Variants in DAB1 observed in about 807,000 individuals in gnomAD.
DAB1 encodes disabled homolog 1.
A neutral mutation model predicts 64.6 loss-of-function variants in DAB1; 15 were observed. The ratio of observed to expected loss-of-function variants is 0.23; its 90% confidence interval spans 0.16 to 0.36. The LOEUF is 0.36. Ranked by LOEUF, DAB1 falls within the 10% of genes least tolerant of loss-of-function variation. The probability of loss-of-function intolerance (pLI) is 1.00; values close to 1 mark genes in which losing one functional copy is unlikely to be tolerated. For missense variants in DAB1, 596 were observed against 706.7 expected (o/e 0.84, Z 1.78); for synonymous variants, 235 against 251.9 (o/e 0.93, Z 0.64).
chr1:57,796,400 G>A lies in DAB1; in HGVS notation n.551+87599C>T, dbSNP rs546289636. Among the ~76,000 whole-genome samples the A allele has an allele frequency of 2.2e-3, 329 of 152,072 alleles. 2 individuals carry two copies. Among genetic ancestry groups the A allele is most frequent in the African/African-American group, 7.7e-3 (318 of 41,472 alleles). Reference sequence around the variant, plus strand: ...AAATTAGCCAGGCATGGTGGCAGGCGCCTGTAGTCCCAACTACTCGGGAGG... The same window carrying A: ...AAATTAGCCAGGCATGGTGGCAGGCACCTGTAGTCCCAACTACTCGGGAGG... On this transcript the variant is annotated intron_variant and non_coding_transcript_variant, in intron 6 of 20. Transcript: ENST00000485760.
intron 1 of DAB1, chr1:58,527,474 C>T: frequency 5.2e-6 from 3 of 581,352 alleles, no homozygotes; most frequent in Non-Finnish European, 9.2e-6. Context: ...ATTAAAATAA[C>T]TCCATGATAT....
chr1:58,513,010 A>C (rs1380485937), intron 2 of DAB1, among the ~76,000 whole-genome samples: 1 of 152,212 alleles, frequency 6.6e-6, no homozygotes, highest in East Asian at 1.9e-4. Flanking sequence ...AAAGTATTAT[A>C]GAAAACTAAG....
chr1:57,175,825 T>C (rs1053322419), intron 2 of DAB1, among the ~76,000 whole-genome samples: 2 of 152,134 alleles, frequency 1.3e-5, no homozygotes, highest in Non-Finnish European at 2.9e-5. Flanking sequence ...CCCATCAAAA[T>C]GGCAGCCCCA....
At chr1:57,246,497 T>TAGAA (rs542873638) in intron 2 of DAB1, among the ~76,000 whole-genome samples, 45 of 152,284 alleles carry the variant, frequency 3.0e-4, no homozygotes, top group African/African-American at 1.1e-3. Context: ...GATGTCCAGG[T>TAGAA]AGAAGTCTGC....
intron 4 of DAB1, among the ~76,000 whole-genome samples, chr1:58,233,733 G>T (rs958002102): frequency 2.0e-5 from 3 of 152,100 alleles, no homozygotes; most frequent in African/African-American, 7.2e-5. Context: ...TCCAAAATCT[G>T]ATCTTCCCTT....
chr1:57,839,422 T>C (rs1557509909), intron 1 of DAB1, among the ~76,000 whole-genome samples: 2 of 152,246 alleles, frequency 1.3e-5, no homozygotes, highest in African/African-American at 2.4e-5. Flanking sequence ...CCTCCATTGA[T>C]GGATACTTGG....
At chr1:57,913,050 A>G (rs577936723) in intron 5 of DAB1, among the ~76,000 whole-genome samples, 1 of 152,360 alleles carries the variant, frequency 6.6e-6, no homozygotes, top group African/African-American at 2.4e-5. Flanking sequence ...TGCCATTCCC[A>G]TCAAGCTACC....
At chr1:57,066,188 C>A (rs1162063811) in intron 8 of DAB1, among the ~76,000 whole-genome samples, 1 of 152,086 alleles carries the variant, frequency 6.6e-6, no homozygotes, top group Non-Finnish European at 1.5e-5. Flanking sequence ...TGGAAAATGA[C>A]CATGTGGAAA....
chr1:57,189,225 A>G (rs197108), intron 2 of DAB1, among the ~76,000 whole-genome samples: 150,312 of 152,304 alleles, frequency 0.99, 74,181 homozygotes, highest in East Asian at 1. Flanking sequence ...TGGTTTCACC[A>G]CAAGATATAA....
intron 7 of DAB1, among the ~76,000 whole-genome samples, chr1:57,600,096 TC>T (rs1390106457): frequency 6.6e-6 from 1 of 152,124 alleles, no homozygotes; most frequent in African/African-American, 2.4e-5. Context: ...AGGCCATGTC[TC>T]TGTGCCCCCT....
intron 5 of DAB1, among the ~76,000 whole-genome samples, chr1:58,083,427 T>G (rs1650118340): frequency 6.6e-6 from 1 of 152,214 alleles, no homozygotes; most frequent in Non-Finnish European, 1.5e-5. Context: ...TCATCATCTA[T>G]GCCGCACAAT....
At chr1:57,923,254 T>A (rs915613296) in intron 5 of DAB1, among the ~76,000 whole-genome samples, 2 of 152,054 alleles carry the variant, frequency 1.3e-5, no homozygotes, top group Non-Finnish European at 2.9e-5. Flanking sequence ...TGATTTTGCT[T>A]GAAAATAAGA....
At chr1:57,242,892 A>G (rs1668595608) in intron 2 of DAB1, among the ~76,000 whole-genome samples, 1 of 152,240 alleles carries the variant, frequency 6.6e-6, no homozygotes, top group Admixed American at 6.5e-5. Context: ...CCCCAGAGCC[A>G]CTATTCTAAA....
At chr1:58,414,228 T>C (rs910200484) in intron 3 of DAB1, among the ~76,000 whole-genome samples, 3 of 151,764 alleles carry the variant, frequency 2.0e-5, no homozygotes, top group African/African-American at 7.3e-5. Context: ...ATCCACTCAA[T>C]GGCCCAGTCC....
intron 7 of DAB1, among the ~76,000 whole-genome samples, chr1:57,625,278 T>G (rs1296992157): frequency 6.6e-6 from 1 of 152,170 alleles, no homozygotes; most frequent in Non-Finnish European, 1.5e-5. Context: ...ATCTTTTCTC[T>G]GTGTGTATCT....
chr1:57,596,383 C>A (rs1421133485), intron 7 of DAB1, among the ~76,000 whole-genome samples: 2 of 152,160 alleles, frequency 1.3e-5, no homozygotes, highest in Non-Finnish European at 1.5e-5. Context: ...TTGTTTACTC[C>A]GAGCACCTGA....
intron 6 of DAB1, among the ~76,000 whole-genome samples, chr1:57,777,268 C>T (rs1408338105): frequency 6.7e-6 from 1 of 148,384 alleles, no homozygotes; most frequent in Non-Finnish European, 1.5e-5. Context: ...ATTCAGAAAT[C>T]TAATTGTGAT....
chr1:57,566,180 G>A (rs1269128923), intron 7 of DAB1, among the ~76,000 whole-genome samples: 2 of 152,142 alleles, frequency 1.3e-5, no homozygotes, highest in African/African-American at 2.4e-5. Context: ...TGACTACTGG[G>A]TACATAACAA....
At chr1:57,558,510 A>T (rs541046790) in intron 7 of DAB1, among the ~76,000 whole-genome samples, 3 of 152,206 alleles carry the variant, frequency 2.0e-5, no homozygotes, top group Admixed American at 6.5e-5. Context: ...AAATCTGGAA[A>T]ATAGTCATGG....
Sources: allele counts gnomAD v4.1 joint callset (sites outside exome capture counted in the v4.1 genomes callset), GRCh38; gene constraint gnomAD v4.1.1; transcripts MANE v1.5; gene names NCBI Gene and HGNC (gene_info 2026-07-23, HGNC 2026-07-21).